The following GRID1 variants were observed in gnomAD, a reference collection of about 807,000 sequenced individuals.
The protein encoded by GRID1 is glutamate receptor ionotropic, delta-1.
Under a neutral mutation model 98.0 loss-of-function variants are expected in GRID1, and 28 were observed. The observed-to-expected ratio is 0.29, with a 90% CI of 0.21 to 0.39. The LOEUF is 0.39. Among genes scored for constraint, GRID1 ranks in the 10% least tolerant of loss-of-function variants. The pLI is 1.00. For synonymous variants in GRID1, 553 were observed against 538.5 expected (o/e 1.03, Z -0.37); for missense variants, 1,111 against 1,340.5 (o/e 0.83, Z 2.67).
chr10:85,884,751 T>G (rs1353898126), intron 5 of GRID1, among the ~76,000 whole-genome samples: 2 of 152,186 alleles, frequency 1.3e-5, no homozygotes, highest in Non-Finnish European at 2.9e-5. Context: ...AATGGTCATC[T>G]TTAGAACTAG....
At chr10:86,108,426 G>C (rs7078283) in intron 4 of GRID1, among the ~76,000 whole-genome samples, 136,527 of 152,292 alleles carry the variant, frequency 0.9, 61,252 homozygotes, top group East Asian at 1. Context: ...ATTATTCTGC[G>C]TGCTTGGAAT....
intron 2 of GRID1, among the ~76,000 whole-genome samples, chr10:86,288,414 A>G (rs912868135): frequency 2.0e-5 from 3 of 152,202 alleles, no homozygotes; most frequent in Non-Finnish European, 2.9e-5. Flanking sequence ...CTCTCTGGCA[A>G]TGTTCATTCA....
chr10:85,695,029 T>C, intron 12 of GRID1, among the ~76,000 whole-genome samples: 1 of 152,126 alleles, frequency 6.6e-6, no homozygotes, highest in Non-Finnish European at 1.5e-5. Context: ...ACTCTACTAC[T>C]TTCCAGTCAA....
intron 8 of GRID1, among the ~76,000 whole-genome samples, chr10:85,773,990 G>C (rs1179935753): frequency 6.6e-6 from 1 of 152,088 alleles, no homozygotes; most frequent in Admixed American, 6.6e-5. Flanking sequence ...AGTTCATATG[G>C]AACCAAAAGA....
Position 86,212,984 on chromosome 10 carries a change from T to C in GRID1, c.236-6336A>G, listed in dbSNP as rs144643234. The stretch of plus-strand genomic sequence containing the variant: ...AGTGAGCTGGCTCTCCCGTCCCTCC[T>C]GCAGAAGACGCCTCCCTCCAGAGCA... On this transcript the variant is annotated intron_variant, in intron 2 of 15. Coordinates refer to ENST00000327946, the MANE Select transcript of GRID1 (RefSeq NM_017551.3). Among the ~76,000 whole-genome samples, 702 of 152,226 alleles carry C rather than the reference T, an allele frequency of 4.6e-3. 4 individuals carry two copies. The highest frequency in any genetic ancestry group is 0.02 in the Middle Eastern group (6 of 294).
chr10:86,335,780 C>G (rs1055597064), intron 2 of GRID1, among the ~76,000 whole-genome samples: 28 of 152,188 alleles, frequency 1.8e-4, no homozygotes, highest in African/African-American at 6.8e-4. Context: ...GAGGGGAGAG[C>G]TGGGACAACA....
At chr10:85,602,823 C>G in intron 15 of GRID1, 122 bp from the exon 16 acceptor site, 1 of 663,758 alleles carries the variant, frequency 1.5e-6, no homozygotes, top group Non-Finnish European at 2.6e-6. Flanking sequence ...GGGCGAGTAT[C>G]CCTTTCATGT....
At chr10:86,320,484 A>G (rs1350079028) in intron 2 of GRID1, among the ~76,000 whole-genome samples, 1 of 152,206 alleles carries the variant, frequency 6.6e-6, no homozygotes, top group Non-Finnish European at 1.5e-5. Context: ...GGAGTAGTCA[A>G]AGTCAGAAGG....
At chr10:86,104,488 C>T (rs7094087) in intron 4 of GRID1, among the ~76,000 whole-genome samples, 4,244 of 152,330 alleles carry the variant, frequency 0.028, 214 homozygotes, top group African/African-American at 0.097. Flanking sequence ...ATGGCCCAGA[C>T]AGGTGCATGC....
chr10:85,682,521 T>G (rs1841222250), intron 12 of GRID1, among the ~76,000 whole-genome samples: 1 of 152,240 alleles, frequency 6.6e-6, no homozygotes, highest in Non-Finnish European at 1.5e-5. Context: ...CCTAGCAATG[T>G]GATGTCACTG....
chr10:86,096,433 C>T (rs1589369737), intron 4 of GRID1, among the ~76,000 whole-genome samples: 2 of 152,206 alleles, frequency 1.3e-5, no homozygotes, highest in East Asian at 3.9e-4. Flanking sequence ...CCATTAAAGG[C>T]ACAATCTTGC....
chr10:86,182,403 A>G (rs973537021), intron 3 of GRID1, among the ~76,000 whole-genome samples: 1 of 152,242 alleles, frequency 6.6e-6, no homozygotes, highest in Non-Finnish European at 1.5e-5. Flanking sequence ...CTCCACAGTG[A>G]GACTGGCCAA....
chr10:86,324,307 G>T (rs1246565451), intron 2 of GRID1, among the ~76,000 whole-genome samples: 1 of 152,196 alleles, frequency 6.6e-6, no homozygotes, highest in Non-Finnish European at 1.5e-5. Context: ...ATTTGTTCCA[G>T]GAGACACTGA....
chr10:85,750,626 G>A (rs900181002), intron 8 of GRID1, among the ~76,000 whole-genome samples: 6 of 152,110 alleles, frequency 3.9e-5, no homozygotes, highest in Admixed American at 1.3e-4. Context: ...ATCTAGAAAT[G>A]AGCACAATGA....
chr10:86,067,243 G>A (rs769651292), intron 4 of GRID1, among the ~76,000 whole-genome samples: 1 of 152,198 alleles, frequency 6.6e-6, no homozygotes, highest in South Asian at 2.1e-4. Flanking sequence ...GCAGTACAGA[G>A]CCTCCGCGCT....
chr10:86,148,692 C>G (rs1418450625), intron 3 of GRID1, among the ~76,000 whole-genome samples: 3 of 152,058 alleles, frequency 2.0e-5, no homozygotes, highest in African/African-American at 7.2e-5. Context: ...ACAATGTATG[C>G]ATACATCAAA....
At chr10:86,209,931 C>A (rs931023676) in intron 2 of GRID1, among the ~76,000 whole-genome samples, 1 of 152,200 alleles carries the variant, frequency 6.6e-6, no homozygotes, top group African/African-American at 2.4e-5. Context: ...ATGCCACTGG[C>A]TCCTGCCCTC....
Position 85,784,597 on chromosome 10 carries a change from G to A in GRID1, c.1234-54983C>T, listed in dbSNP as rs139544266. Among the ~76,000 whole-genome samples the A allele has an allele frequency of 8.5e-4, 129 of 152,330 alleles. 1 individual carries two copies. In the East Asian group the frequency reaches 0.013, roughly 16 times the overall value. ...TTTATCCTGTCCCAATTCTAGGACC[G>A]TGTCTGGTGTGCTTTGGGAGCATGG... On this transcript the variant is annotated intron_variant, in intron 8 of 15. Transcript: ENST00000327946.
chr10:85,672,418 C>T (rs1007363508), intron 12 of GRID1, among the ~76,000 whole-genome samples: 2 of 152,166 alleles, frequency 1.3e-5, no homozygotes, highest in African/African-American at 4.8e-5. Flanking sequence ...AGCGATTCTC[C>T]TGTCTCTGCC....
Sources: gnomAD v4.1 joint callset for allele counts (sites outside exome capture counted in the v4.1 genomes callset) on GRCh38, gnomAD v4.1.1 for gene constraint, MANE v1.5 for transcripts, NCBI Gene and HGNC (gene_info 2026-07-23, HGNC 2026-07-21) for gene names.